NUDT14: variants seen among roughly 807,000 people sequenced by gnomAD.
NUDT14 encodes uridine diphosphate glucose pyrophosphatase NUDT14.
NUDT14 carries 22 observed loss-of-function variants against 17.5 expected under a neutral mutation model. The ratio of observed to expected loss-of-function variants is 1.26; its 90% confidence interval spans 0.90 to 1.80. The LOEUF (loss-of-function observed/expected upper bound fraction) is 1.80. Among genes scored for constraint, NUDT14 ranks in the 40% most tolerant of loss-of-function variants. NUDT14 has a pLI of 0.00. For missense variants in NUDT14, 296 were observed against 295.6 expected (o/e 1.00, Z -0.01); for synonymous variants, 129 against 125.8 (o/e 1.03, Z -0.17).
chr14:105,178,910 G>A (rs1468183658), intron 1 of NUDT14, among the ~76,000 whole-genome samples: 4 of 152,110 alleles, frequency 2.6e-5, no homozygotes, highest in Admixed American at 6.5e-5. Flanking sequence ...AGGGAGGGCC[G>A]GCGTCCCGCG....
At chr14:105,177,232 G>A in intron 2 of NUDT14, 3 of 653,838 alleles carry the variant, frequency 4.6e-6, no homozygotes, top group Non-Finnish European at 5.6e-6. Flanking sequence ...ACCCAGACCT[G>A]CTGTATTCCA....
rs921316053 is a variant in NUDT14 at position 105,177,616 on chromosome 14, C to T, written c.125+76G>A. 3 of 1,421,510 alleles carry T rather than the reference C, an allele frequency of 2.1e-6. No individual in the cohort carries two copies. The South Asian group carries it at 3.5e-5, about 17-fold the overall frequency. The allele number at this position is 1,421,510 out of a possible 1,614,324, so 88.1% of individuals were successfully genotyped here. On this transcript the variant is annotated intron_variant, in intron 2 of 4. Transcript: ENST00000392568. ...AGCAACGTCAGGGAGGAGAGGGCAC[C>T]TTCGCCCTGGGCCCAGTGTCCCCGT...
chr14:105,177,006 GT>G lies in NUDT14; in HGVS notation c.146del (p.Asn49ThrfsTer10). ...THDSVTVLLF[N>X]SSRRSLVLVK... ...CCAACACCAGGCTCCTCCGAGAAGA[GT>G]TGAATAAGAGAACGGTCACGCTGTG... is the stretch of plus-strand genomic sequence containing the variant. On this transcript the variant is annotated frameshift_variant, in exon 3 of 5. Transcript: ENST00000392568. LOFTEE classifies it high-confidence loss of function. The G allele has an allele frequency of 6.2e-7, 1 of 1,612,092 alleles. No homozygotes were observed. The highest frequency in any genetic ancestry group is 8.5e-7 in the Non-Finnish European group (1 of 1,179,810).
intron 2 of NUDT14, 103 bp from the exon 3 acceptor site, chr14:105,177,130 C>A (rs1160424532): frequency 9.2e-7 from 1 of 1,082,286 alleles, no homozygotes; most frequent in African/African-American, 1.6e-5. Context: ...CACCTCCTTG[C>A]CAGCAGCCCA....
At chr14:105,179,898 T>TG (rs1347479014) in intron 1 of NUDT14, among the ~76,000 whole-genome samples, 1 of 151,960 alleles carries the variant, frequency 6.6e-6, no homozygotes, top group Admixed American at 6.5e-5. Context: ...CTGGATGTGA[T>TG]GGGGGGGACA....
intron 1 of NUDT14, among the ~76,000 whole-genome samples, chr14:105,178,998 C>T (rs587667745): frequency 1.3e-3 from 202 of 152,266 alleles, no homozygotes; most frequent in African/African-American, 4.4e-3. Flanking sequence ...CCAGCCACCC[C>T]CGAACCACCA....
intron 2 of NUDT14, 87 bp from the exon 3 acceptor site, chr14:105,177,114 C>T: frequency 1.6e-6 from 2 of 1,270,112 alleles, no homozygotes; most frequent in Non-Finnish European, 2.2e-6. Context: ...CCCAGCGTGG[C>T]CATCCCACCT....
chr14:105,179,776 C>T (rs587634434), intron 1 of NUDT14, among the ~76,000 whole-genome samples: 1 of 152,362 alleles, frequency 6.6e-6, no homozygotes, highest in South Asian at 2.1e-4. Context: ...GGAGAGGGAT[C>T]CCCTGTCCTC....
At chr14:105,177,064 C>T (rs1326829665) in intron 2 of NUDT14, 37 bp from the exon 3 acceptor site, 5 of 1,600,824 alleles carry the variant, frequency 3.1e-6, no homozygotes, top group African/African-American at 1.3e-5. Context: ...CAGAAGCACT[C>T]CACTGGCCCT....
Position 105,181,215 on chromosome 14 carries a change from C to A in NUDT14, c.-6G>T. On this transcript the variant is annotated 5_prime_UTR_variant, in exon 1 of 5. Transcript: ENST00000392568. The surrounding 1 kb of genome is among the most constrained non-coding windows in gnomAD (Gnocchi z 5.0). ...GCCCCCTCGATGCGCTCCATGGCGG[C>A]GCCCGGACAGGCGGGGGCCGCGAGC... 8.8e-7 allele frequency: 1 copy of A among 1,140,548 alleles called. No individual in the cohort carries two copies. Among genetic ancestry groups the A allele is most frequent in the Non-Finnish European group, 1.1e-6 (1 of 925,436 alleles). The allele number at this position is 1,140,548 out of a possible 1,614,324, so 70.7% of individuals were successfully genotyped here. A position where few individuals can be genotyped will look rare whatever the true frequency, so the allele number is the denominator to read the frequency against.
intron 1 of NUDT14, among the ~76,000 whole-genome samples, 180 bp downstream of exon 1, chr14:105,180,945 TGGGG>T: frequency 6.6e-6 from 1 of 151,728 alleles, no homozygotes; most frequent in Middle Eastern, 3.4e-3. Flanking sequence ...CTCCCCGGCC[TGGGG>T]GCTCACTGGG....
At position 105,176,301 on chromosome 14, in the gene NUDT14, CAGCTGGGGGCCGCA is replaced by C. The variant is rs995619999; in HGVS notation, c.428+219_428+232del. On this transcript the variant is annotated intron_variant, in intron 4 of 4. Transcript: ENST00000392568. ...CAGCTGTCACCCGGCCTGCCTCACACAGCTGGGGGCCGCAGGCTGGGGGCATGGGGCCGAGACGC... is the reference window on the plus strand; with the variant it reads ...CAGCTGTCACCCGGCCTGCCTCACACGGCTGGGGGCATGGGGCCGAGACGC... 775 of 592,462 alleles carry C rather than the reference CAGCTGGGGGCCGCA, an allele frequency of 1.3e-3. 21 individuals carry two copies. The East Asian group carries it at 0.021, about 16-fold the overall frequency. 36.7% of individuals were successfully genotyped at this position (592,462 alleles called of 1,614,324 possible).
rs764301099 is a variant in NUDT14 at position 105,173,310 on chromosome 14, GC to G, written c.429-50del. ...TGAGTCACCCACGCTGGCCCCGCTGGCCCCCTGGCCCTTCTACCACCCTCCA... is the reference window on the plus strand; with the variant it reads ...TGAGTCACCCACGCTGGCCCCGCTGGCCCCTGGCCCTTCTACCACCCTCCA... On this transcript the variant is annotated intron_variant, in intron 4 of 4. Transcript: ENST00000392568. This position sits in a 1 kb window ranked among gnomAD's most constrained non-coding sequence, Gnocchi z 4.7. 3.3e-5 allele frequency: 48 copies of G among 1,446,552 alleles called. 1 individual carries two copies. In the South Asian group the frequency reaches 6.9e-4, roughly 21 times the overall value. 89.6% of individuals were successfully genotyped at this position (1,446,552 alleles called of 1,614,324 possible).
At position 105,181,093 on chromosome 14, in the gene NUDT14, GGCGGGGGC is replaced by G. The variant is rs1040955561; in HGVS notation, c.81+28_81+35del. ...GGCGCGGGTCGTGGGCCGGGCCGCC[GGCGGGGGC>G]GCGGGGGACGCGGGGGCGCGGGCTC... On this transcript the variant is annotated intron_variant, in intron 1 of 4. Coordinates refer to ENST00000392568, the MANE Select transcript of NUDT14 (RefSeq NM_177533.5). The surrounding 1 kb of genome is among the most constrained non-coding windows in gnomAD (Gnocchi z 5.0). The G allele has an allele frequency of 7.9e-5, 62 of 784,470 alleles. No individual in the cohort carries two copies. Among genetic ancestry groups the G allele is most frequent in the Non-Finnish European group, 8.8e-5 (56 of 634,058 alleles). 48.6% of individuals were successfully genotyped at this position (784,470 alleles called of 1,614,324 possible).
Position 105,176,575 on chromosome 14 carries a change from G to T in NUDT14, c.387C>A (p.Tyr129Ter), listed in dbSNP as rs1166368934. ...ACKEAWEECG[Y>*]HLAPSDLRRV... is the part of the protein sequence containing the mutation. Reference sequence around the variant, plus strand: ...GGCGCAGATCAGAGGGGGCCAAGTGGTAGCCACACTCCTCCCAAGCCTCCT... The same window carrying T: ...GGCGCAGATCAGAGGGGGCCAAGTGTTAGCCACACTCCTCCCAAGCCTCCT... Residue 129 changes from tyrosine (Y) to a stop codon, truncating the protein, a stop_gained, in exon 4 of 5, where the codon TAC becomes TAA. Coordinates refer to ENST00000392568, the MANE Select transcript of NUDT14 (RefSeq NM_177533.5). LOFTEE classifies it low-confidence loss of function (END_TRUNC). 6.2e-7 allele frequency: 1 copy of T among 1,612,668 alleles called. No homozygotes were observed. Among genetic ancestry groups the T allele is most frequent in the Non-Finnish European group, 8.5e-7 (1 of 1,179,944 alleles).
In NUDT14 at chr14:105,181,298, C is replaced by T. The variant is rs1256566780; in HGVS notation, c.-89G>A. On this transcript the variant is annotated 5_prime_UTR_variant, in exon 1 of 5. Transcript: ENST00000392568. The surrounding 1 kb of genome is among the most constrained non-coding windows in gnomAD (Gnocchi z 5.0). ...CCCGACAGGAGCCTTCGGGCGGGCG[C>T]GTGACCGCGGCTCTGAGCATGCTCC... 1.6e-5 allele frequency: 8 copies of T among 514,396 alleles called. No individual in the cohort carries two copies. Among genetic ancestry groups the T allele is most frequent in the African/African-American group, 1.5e-4 (7 of 46,530 alleles). The allele number at this position is 514,396 out of a possible 1,614,324, so 31.9% of individuals were successfully genotyped here.
At chr14:105,177,319 C>T (rs587713178) in intron 2 of NUDT14, 15 of 577,294 alleles carry the variant, frequency 2.6e-5, no homozygotes, top group South Asian at 7.5e-5. Context: ...CAGCTGAGGC[C>T]GGGTGACTGA....
chr14:105,174,447 G>A (rs1328706508), intron 4 of NUDT14, among the ~76,000 whole-genome samples: 1 of 152,084 alleles, frequency 6.6e-6, no homozygotes, highest in Non-Finnish European at 1.5e-5. Flanking sequence ...GGCCTGCAGG[G>A]TAGAGGCCGC....
chr14:105,176,776 G>A lies in NUDT14; in HGVS notation c.191-5C>T, dbSNP rs3803320. On this transcript the variant is annotated splice_polypyrimidine_tract_variant and splice_region_variant and intron_variant, in intron 3 of 4. Transcript: ENST00000392568. ...CCACCTCACCCGCATACACAGCTGC[G>A]TGGGAAGAAGCCAGACTGTGCTCAC... is the stretch of plus-strand genomic sequence containing the variant. 1.0e-3 allele frequency: 1,631 copies of A among 1,611,056 alleles called. 25 individuals carry two copies. In the East Asian group the frequency reaches 0.029, roughly 29 times the overall value.
Sources: allele counts gnomAD v4.1 joint callset (sites outside exome capture counted in the v4.1 genomes callset), GRCh38; gene constraint gnomAD v4.1.1; non-coding constraint Gnocchi (gnomAD v3.1); transcripts MANE v1.5; gene names NCBI Gene and HGNC (gene_info 2026-07-23, HGNC 2026-07-21).